Variants in BCL2 observed in about 807,000 individuals in gnomAD.
BCL2 encodes the protein BCL2 apoptosis regulator, also known as apoptosis regulator Bcl-2.
A neutral mutation model predicts 14.2 loss-of-function variants in BCL2; 1 was observed. The observed-to-expected ratio is 0.07, with a 90% confidence interval of 0.02 to 0.33. The LOEUF is 0.33. Ranked by LOEUF, BCL2 falls within the 10% of genes least tolerant of loss-of-function variation. BCL2 has a pLI of 0.99. For missense variants in BCL2, 247 were observed against 305.9 expected, an observed-to-expected ratio of 0.81 and a Z score of 1.44; for synonymous variants, 151 against 137.2, an observed-to-expected ratio of 1.10 and a Z score of -0.70.
At chr18:63,306,400 G>C in intron 2 of BCL2, among the ~76,000 whole-genome samples, 1 of 152,270 alleles carries the variant, frequency 6.6e-6, no homozygotes, top group South Asian at 2.1e-4. Context: ...GTCTGGAGTG[G>C]AGTCAGGGTG....
chr18:63,200,087 ACTTGCCTTCGTT>A (rs1909647293), intron 2 of BCL2, among the ~76,000 whole-genome samples: 1 of 152,160 alleles, frequency 6.6e-6, no homozygotes, highest in South Asian at 2.1e-4. Flanking sequence ...GTTTGGGTTT[ACTTGCCTTCGTT>A]CTGCAGGAAG....
intron 2 of BCL2, among the ~76,000 whole-genome samples, chr18:63,170,645 A>G (rs989505429): frequency 3.3e-5 from 5 of 152,342 alleles, no homozygotes; most frequent in Admixed American, 3.3e-4. Flanking sequence ...CCATTTCATT[A>G]TCCTTCTGCA....
At chr18:63,294,404 C>A (rs1912742256) in intron 2 of BCL2, among the ~76,000 whole-genome samples, 1 of 152,270 alleles carries the variant, frequency 6.6e-6, no homozygotes, top group East Asian at 1.9e-4. Context: ...CAGGGTGGCT[C>A]ACACCTGTAA....
At chr18:63,141,485 C>T (rs1178158681) in intron 2 of BCL2, among the ~76,000 whole-genome samples, 2 of 152,136 alleles carry the variant, frequency 1.3e-5, no homozygotes, top group Non-Finnish European at 2.9e-5. Context: ...GAGCATAATC[C>T]AAGTTATTTG....
intron 2 of BCL2, among the ~76,000 whole-genome samples, chr18:63,160,461 C>A (rs556610354): frequency 6.6e-6 from 1 of 152,264 alleles, no homozygotes; most frequent in Non-Finnish European, 1.5e-5. Flanking sequence ...GCTGAATAGT[C>A]ACATCCACCA....
At chr18:63,155,784 G>T (rs1375876446) in intron 2 of BCL2, among the ~76,000 whole-genome samples, 1 of 152,202 alleles carries the variant, frequency 6.6e-6, no homozygotes, top group Non-Finnish European at 1.5e-5. Context: ...TGCAGATCTT[G>T]CCCCGAGCTC....
At chr18:63,283,740 C>T (rs1568257540) in intron 2 of BCL2, among the ~76,000 whole-genome samples, 1 of 152,134 alleles carries the variant, frequency 6.6e-6, no homozygotes, top group Non-Finnish European at 1.5e-5. Context: ...TTCCAGCGAT[C>T]CCGGAATTTT....
At chr18:63,153,468 G>C (rs1241683631) in intron 2 of BCL2, among the ~76,000 whole-genome samples, 1 of 152,178 alleles carries the variant, frequency 6.6e-6, no homozygotes, top group African/African-American at 2.4e-5. Context: ...GAAAGGAGTT[G>C]TGTGAAACTT....
In BCL2 at chr18:63,221,473, G is replaced by A. The variant is rs79604639; in HGVS notation, c.586-92714C>T. On this transcript the variant is annotated intron_variant, in intron 2 of 2. Transcript: ENST00000333681. ...GGATAGAGGAAGGGAGAGAAACAGA[G>A]GCCCCAGAAATAAAGATAAAATTGA... Among the ~76,000 whole-genome samples, 1,054 of 152,278 alleles carry A rather than the reference G, an allele frequency of 6.9e-3. 15 individuals carry two copies. Among genetic ancestry groups the A allele is most frequent in the African/African-American group, 0.024 (1,004 of 41,538 alleles).
chr18:63,281,720 GAA>G (rs1568256883), intron 2 of BCL2, among the ~76,000 whole-genome samples: 211 of 126,018 alleles, frequency 1.7e-3, no homozygotes, highest in African/African-American at 5.5e-3. Context: ...AAGAAAGAAA[GAA>G]AGAAAGAAAG....
intron 2 of BCL2, among the ~76,000 whole-genome samples, chr18:63,292,222 CAAAA>C (rs749093257): frequency 7.1e-5 from 4 of 56,446 alleles, no homozygotes; most frequent in Non-Finnish European, 1.6e-4. Context: ...AACCCCAGTG[CAAAA>C]AAAAAAAAAA....
chr18:63,149,032 C>G lies in BCL2; in HGVS notation c.586-20273G>C, dbSNP rs912621926. On this transcript the variant is annotated intron_variant, in intron 2 of 2. Coordinates refer to ENST00000333681, the MANE Select transcript of BCL2 (RefSeq NM_000633.3). This position sits in a 1 kb window ranked among gnomAD's most constrained non-coding sequence, Gnocchi z 4.2. The stretch of plus-strand genomic sequence containing the variant: ...TGACTCCCAGCTAAACGGGCCTGCC[C>G]AGAGCCACGAAGTCATAAGTGTGCA... Among the ~76,000 whole-genome samples, 1 of 152,198 alleles carries G rather than the reference C, an allele frequency of 6.6e-6. No homozygotes were observed. Among genetic ancestry groups the G allele is most frequent in the African/African-American group, 2.4e-5 (1 of 41,442 alleles).
At chr18:63,185,882 C>A (rs1181732092) in intron 2 of BCL2, among the ~76,000 whole-genome samples, 1 of 152,216 alleles carries the variant, frequency 6.6e-6, no homozygotes, top group Non-Finnish European at 1.5e-5. Flanking sequence ...ACTTTACTAT[C>A]TTTTTCCATT....
chr18:63,177,390 G>C (rs1386069084), intron 2 of BCL2, among the ~76,000 whole-genome samples: 1 of 152,118 alleles, frequency 6.6e-6, no homozygotes, highest in Non-Finnish European at 1.5e-5. Context: ...GTAGCACAAA[G>C]AACACCTAAG....
At chr18:63,283,737 G>A (rs1008003673) in intron 2 of BCL2, among the ~76,000 whole-genome samples, 4 of 152,032 alleles carry the variant, frequency 2.6e-5, no homozygotes, top group African/African-American at 7.3e-5. Context: ...CTTTTCCAGC[G>A]ATCCCGGAAT....
At chr18:63,202,083 C>T (rs991981820) in intron 2 of BCL2, among the ~76,000 whole-genome samples, 2 of 152,042 alleles carry the variant, frequency 1.3e-5, no homozygotes, top group African/African-American at 4.8e-5. Flanking sequence ...CCGAAGCAGG[C>T]GGATCACTTG....
intron 2 of BCL2, among the ~76,000 whole-genome samples, chr18:63,134,698 TAG>T (rs1235081243): frequency 6.6e-6 from 1 of 152,188 alleles, no homozygotes; most frequent in African/African-American, 2.4e-5. Context: ...GCTTACACTC[TAG>T]AGAGAGGTAA....
chr18:63,164,352 T>C (rs533887046), intron 2 of BCL2, among the ~76,000 whole-genome samples: 1 of 152,318 alleles, frequency 6.6e-6, no homozygotes, highest in Non-Finnish European at 1.5e-5. Context: ...TAGATTTGCT[T>C]ACAAATTTTA....
intron 2 of BCL2, among the ~76,000 whole-genome samples, chr18:63,303,563 T>C (rs1274816496): frequency 1.3e-5 from 2 of 152,212 alleles, no homozygotes; most frequent in Non-Finnish European, 2.9e-5. Context: ...CCAGAGGACA[T>C]GAACATCACT....
Sources: allele counts gnomAD v4.1 joint callset (sites outside exome capture counted in the v4.1 genomes callset), GRCh38; gene constraint gnomAD v4.1.1; non-coding constraint Gnocchi (gnomAD v3.1); transcripts MANE v1.5; gene names NCBI Gene and HGNC (gene_info 2026-07-23, HGNC 2026-07-21).